The following CAMK1D variants were observed in gnomAD, a reference collection of about 807,000 sequenced individuals.
The protein encoded by CAMK1D is calcium/calmodulin-dependent protein kinase type 1D.
CAMK1D carries 9 observed loss-of-function variants against 47.7 expected under a neutral mutation model. The ratio of observed to expected loss-of-function variants is 0.19; its 90% CI spans 0.11 to 0.33. CAMK1D has a LOEUF of 0.33. Ranked by LOEUF, CAMK1D falls within the 10% of genes least tolerant of loss-of-function variation. The pLI is 1.00. For synonymous variants in CAMK1D, 184 were observed against 184.9 expected (o/e 0.99, Z 0.04); for missense variants, 291 against 488.7 (o/e 0.60, Z 3.81).
chr10:12,678,356 G>A (rs1198709282), intron 3 of CAMK1D, among the ~76,000 whole-genome samples: 1 of 152,180 alleles, frequency 6.6e-6, no homozygotes, highest in Non-Finnish European at 1.5e-5. Flanking sequence ...AAGATACTTT[G>A]TATGATTTCA....
intron 1 of CAMK1D, among the ~76,000 whole-genome samples, chr10:12,354,385 G>A (rs563683209): frequency 6.6e-6 from 1 of 151,550 alleles, no homozygotes; most frequent in East Asian, 1.9e-4. Flanking sequence ...ATCAAGGCAG[G>A]TTGGGGGTGG....
At chr10:12,541,885 T>TCCTTCCTTC (rs141080777) in intron 1 of CAMK1D, among the ~76,000 whole-genome samples, 11 of 142,726 alleles carry the variant, frequency 7.7e-5, no homozygotes, top group East Asian at 4.1e-4. Flanking sequence ...CTTCCTTCCT[T>TCCTTCCTTC]CCTTTTTTTT....
intron 1 of CAMK1D, among the ~76,000 whole-genome samples, chr10:12,508,804 A>C (rs749118707): frequency 2.8e-4 from 43 of 151,990 alleles, no homozygotes; most frequent in Admixed American, 1.8e-3. Flanking sequence ...CACTTGACTT[A>C]TTTTTTGCAC....
chr10:12,413,962 G>A (rs1588460097), intron 1 of CAMK1D, among the ~76,000 whole-genome samples: 1 of 152,126 alleles, frequency 6.6e-6, no homozygotes, highest in Middle Eastern at 3.2e-3. Flanking sequence ...GGTCTTTCCT[G>A]TTTTCTAACG....
chr10:12,678,484 A>G (rs765006004), intron 3 of CAMK1D, among the ~76,000 whole-genome samples: 1 of 152,346 alleles, frequency 6.6e-6, no homozygotes, highest in African/African-American at 2.4e-5. Flanking sequence ...AGTGCTCTGC[A>G]TATATCTGTT....
intron 2 of CAMK1D, among the ~76,000 whole-genome samples, chr10:12,647,274 G>A (rs1839838043): frequency 6.9e-6 from 1 of 143,992 alleles, no homozygotes; most frequent in Non-Finnish European, 1.5e-5. Context: ...TCAGCCTCCC[G>A]AGTAGCTAGG....
chr10:12,644,162 A>T (rs1298297626), intron 2 of CAMK1D, among the ~76,000 whole-genome samples: 1 of 152,190 alleles, frequency 6.6e-6, no homozygotes, highest in Non-Finnish European at 1.5e-5. Flanking sequence ...TTCTGATCCC[A>T]GAAAAGGTTG....
At chr10:12,828,491 A>G (rs1833335965) in intron 10 of CAMK1D, among the ~76,000 whole-genome samples, 1 of 152,064 alleles carries the variant, frequency 6.6e-6, no homozygotes, top group Non-Finnish European at 1.5e-5. Flanking sequence ...AAATACAAAA[A>G]TTAGCCCGGC....
At chr10:12,699,466 A>T (rs948594011) in intron 3 of CAMK1D, among the ~76,000 whole-genome samples, 1 of 152,120 alleles carries the variant, frequency 6.6e-6, no homozygotes, top group African/African-American at 2.4e-5. Flanking sequence ...ATTTCCGTTG[A>T]GATCTCTGCT....
chr10:12,381,850 C>G (rs997214997), intron 1 of CAMK1D, among the ~76,000 whole-genome samples: 1 of 152,018 alleles, frequency 6.6e-6, no homozygotes, highest in Non-Finnish European at 1.5e-5. Context: ...TGTGCTGTTG[C>G]CTGATGAGTT....
At chr10:12,445,053 A>G (rs1052129506) in intron 1 of CAMK1D, among the ~76,000 whole-genome samples, 1 of 152,246 alleles carries the variant, frequency 6.6e-6, no homozygotes, top group African/African-American at 2.4e-5. Flanking sequence ...AGGGCCTGCT[A>G]TCTGTCACAT....
intron 3 of CAMK1D, among the ~76,000 whole-genome samples, chr10:12,744,839 T>G (rs1382339878): frequency 6.6e-6 from 1 of 152,060 alleles, no homozygotes; most frequent in Non-Finnish European, 1.5e-5. Context: ...AGTTCAAGGC[T>G]GCAGTGAGCT....
At chr10:12,359,441 C>T (rs528541323) in intron 1 of CAMK1D, among the ~76,000 whole-genome samples, 2 of 152,060 alleles carry the variant, frequency 1.3e-5, no homozygotes, top group Non-Finnish European at 2.9e-5. Flanking sequence ...CTGCCTGAAA[C>T]GTCCTCTGGC....
intron 5 of CAMK1D, among the ~76,000 whole-genome samples, chr10:12,771,958 T>TG (rs1487971717): frequency 6.6e-6 from 1 of 151,084 alleles, no homozygotes; most frequent in Non-Finnish European, 1.5e-5. Context: ...CGCTTGAACC[T>TG]GGGGGGCGGA....
At chr10:12,764,941 C>T (rs2130916366) in intron 4 of CAMK1D, among the ~76,000 whole-genome samples, 1 of 152,204 alleles carries the variant, frequency 6.6e-6, no homozygotes, top group Non-Finnish European at 1.5e-5. Flanking sequence ...ACTAAAAATA[C>T]AAAAGTAGCC....
At chr10:12,512,921 T>G (rs1467723418) in intron 1 of CAMK1D, among the ~76,000 whole-genome samples, 5 of 152,186 alleles carry the variant, frequency 3.3e-5, no homozygotes, top group African/African-American at 1.2e-4. Context: ...GAGCATACTT[T>G]GTTTGACTTT....
chr10:12,532,404 C>T (rs1835835995), intron 1 of CAMK1D, among the ~76,000 whole-genome samples: 1 of 151,340 alleles, frequency 6.6e-6, no homozygotes, highest in Admixed American at 6.6e-5. Context: ...CTCAGCCTCC[C>T]AAGTAGCTGG....
chr10:12,672,116 C>T (rs1308069656), intron 3 of CAMK1D, among the ~76,000 whole-genome samples: 4 of 151,582 alleles, frequency 2.6e-5, no homozygotes, highest in Non-Finnish European at 4.4e-5. Context: ...GGGGTTTCAC[C>T]ATGTTGGCCA....
intron 1 of CAMK1D, among the ~76,000 whole-genome samples, chr10:12,536,028 G>A (rs984393290): frequency 3.3e-5 from 5 of 152,036 alleles, no homozygotes; most frequent in African/African-American, 1.2e-4. Context: ...TGGGACCTAG[G>A]GTCTCCTTCC....
Sources: gnomAD v4.1 joint callset for allele counts (sites outside exome capture counted in the v4.1 genomes callset) on GRCh38, gnomAD v4.1.1 for gene constraint, MANE v1.5 for transcripts, NCBI Gene and HGNC (gene_info 2026-07-23, HGNC 2026-07-21) for gene names.